MSN: variants seen among roughly 807,000 people sequenced by gnomAD.
MSN encodes epididymis luminal protein 70.
A neutral mutation model predicts 48.0 loss-of-function variants in MSN; 2 were observed. That is an observed-to-expected ratio of 0.04 (90% CI 0.02 to 0.13). The LOEUF is 0.13. Among genes scored for constraint, MSN ranks in the 10% least tolerant of loss-of-function variants. The pLI is 1.00. For synonymous variants in MSN, 146 were observed against 166.9 expected (o/e 0.87, Z 0.97); for missense variants, 267 against 470.1 (o/e 0.57, Z 3.99).
At chrX:65,691,465 A>G (rs1316341607) in intron 1 of MSN, among the ~76,000 whole-genome samples, 1 of 111,696 alleles carries the variant, frequency 9.0e-6, no homozygotes, top group Non-Finnish European at 1.9e-5. Context: ...TTTCAGGTGT[A>G]TATACTTTCA....
intron 1 of MSN, among the ~76,000 whole-genome samples, chrX:65,620,044 G>A (rs1463481763): frequency 9.0e-6 from 1 of 111,234 alleles, no homozygotes. Flanking sequence ...AGGGACCCAC[G>A]TGAGGAGGCA....
intron 1 of MSN, among the ~76,000 whole-genome samples, chrX:65,624,305 C>T (rs994055728): frequency 1.8e-5 from 2 of 109,732 alleles, no homozygotes; most frequent in African/African-American, 3.4e-5. Flanking sequence ...CTTGAACTCC[C>T]GACCTCAGGT....
intron 1 of MSN, among the ~76,000 whole-genome samples, chrX:65,641,543 A>G (rs2070650008): frequency 1.4e-5 from 1 of 71,423 alleles, no homozygotes; most frequent in Admixed American, 1.9e-4. Flanking sequence ...AAAAAAAAAA[A>G]AGTGAAGTAT....
intron 1 of MSN, among the ~76,000 whole-genome samples, chrX:65,619,703 C>T (rs2070414879): frequency 9.2e-6 from 1 of 108,664 alleles, no homozygotes; most frequent in Admixed American, 9.6e-5. Flanking sequence ...CTTCTTCTCT[C>T]AGCTCGTCAA....
intron 1 of MSN, among the ~76,000 whole-genome samples, chrX:65,596,888 C>T (rs1008271067): frequency 1.8e-5 from 2 of 111,314 alleles, no homozygotes; most frequent in South Asian, 3.7e-4. Flanking sequence ...GGGCCAGATA[C>T]TGTACTGGGC....
rs2071700264 is a variant in MSN at position 65,738,381 on chromosome X, A to G, written c.1252-144A>G. 1.3e-5 allele frequency: 6 copies of G among 463,553 alleles called. No individual in the cohort carries two copies. In the Admixed American group the frequency reaches 1.6e-4, roughly 12 times the overall value. The allele number at this position is 463,553 out of a possible 1,213,427, so 38.2% of individuals were successfully genotyped here. On this transcript the variant is annotated intron_variant, in intron 10 of 12. Transcript: ENST00000360270. The stretch of plus-strand genomic sequence containing the variant: ...GTCAGGGAAGATGGGACTGGAATGA[A>G]GTAGTCTGGTAAAAGAGTCTCTGAG...
At chrX:65,653,454 T>C (rs1220918009) in intron 1 of MSN, among the ~76,000 whole-genome samples, 1 of 110,583 alleles carries the variant, frequency 9.0e-6, no homozygotes, top group Non-Finnish European at 1.9e-5. Context: ...AGAAAAAAAA[T>C]AATGTTAAAA....
At chrX:65,609,745 T>C (rs1217788990) in intron 1 of MSN, among the ~76,000 whole-genome samples, 3 of 111,261 alleles carry the variant, frequency 2.7e-5, no homozygotes, top group Non-Finnish European at 5.7e-5. Flanking sequence ...TAGCCGGGCG[T>C]GGTGGCATGT....
intron 1 of MSN, among the ~76,000 whole-genome samples, chrX:65,650,335 C>T (rs775987985): frequency 2.7e-5 from 3 of 111,977 alleles, no homozygotes; most frequent in African/African-American, 9.7e-5. Context: ...TGATCCACCC[C>T]CCTTGGCCTC....
At chrX:65,674,925 C>T (rs1178074502) in intron 1 of MSN, among the ~76,000 whole-genome samples, 3 of 112,304 alleles carry the variant, frequency 2.7e-5, no homozygotes, top group South Asian at 3.6e-4. Context: ...TATTTAACTT[C>T]TGCACCTCAT....
chrX:65,728,094 C>T (rs190252101), intron 3 of MSN, among the ~76,000 whole-genome samples, 185 bp downstream of exon 3: 56 of 111,516 alleles, frequency 5.0e-4, no homozygotes, highest in Admixed American at 1.5e-3. Flanking sequence ...CTTGCTCTGT[C>T]TCTACTTTGA....
chrX:65,653,452 A>G (rs1301892317), intron 1 of MSN, among the ~76,000 whole-genome samples: 1 of 111,405 alleles, frequency 9.0e-6, no homozygotes, highest in African/African-American at 3.3e-5. Context: ...TCAGAAAAAA[A>G]ATAATGTTAA....
chrX:65,692,587 G>A (rs1375947348), intron 1 of MSN, among the ~76,000 whole-genome samples: 3 of 112,582 alleles, frequency 2.7e-5, no homozygotes, highest in Non-Finnish European at 5.6e-5. Flanking sequence ...TCTAGGAATT[G>A]GTGAACTTGC....
chrX:65,606,482 G>C (rs1431306732), intron 1 of MSN, among the ~76,000 whole-genome samples: 1 of 111,262 alleles, frequency 9.0e-6, no homozygotes, highest in Non-Finnish European at 1.9e-5. Context: ...GAGTACAGTG[G>C]TACAATCTCG....
At chrX:65,633,553 C>T (rs1216480463) in intron 1 of MSN, among the ~76,000 whole-genome samples, 1 of 111,992 alleles carries the variant, frequency 8.9e-6, no homozygotes, top group African/African-American at 3.2e-5. Flanking sequence ...CCAGGCCTCT[C>T]ACAGGCTTTC....
At chrX:65,706,463 C>T (rs1269133663) in intron 1 of MSN, among the ~76,000 whole-genome samples, 1 of 111,717 alleles carries the variant, frequency 9.0e-6, no homozygotes, top group Admixed American at 9.5e-5. Flanking sequence ...CAGGGGTGGC[C>T]CCCTGGGGAG....
chrX:65,713,816 T>A (rs1444112954), intron 1 of MSN, among the ~76,000 whole-genome samples: 1 of 111,688 alleles, frequency 9.0e-6, no homozygotes, highest in Non-Finnish European at 1.9e-5. Context: ...TGTGTTCTCA[T>A]CATTTAATTC....
At chrX:65,671,976 C>T (rs966052980) in intron 1 of MSN, among the ~76,000 whole-genome samples, 2 of 112,160 alleles carry the variant, frequency 1.8e-5, no homozygotes, top group Admixed American at 9.5e-5. Flanking sequence ...ACTACTTTAC[C>T]GAATGATGGA....
Position 65,678,222 on chromosome X carries a change from C to G in MSN, c.12+10369C>G, listed in dbSNP as rs144507927. Among the ~76,000 whole-genome samples, 513 of 111,880 alleles carry G rather than the reference C, an allele frequency of 4.6e-3. 4 individuals are homozygous for G. Among genetic ancestry groups the G allele is most frequent in the African/African-American group, 0.016 (491 of 30,749 alleles). Reference sequence around the variant, plus strand: ...ACTAGTCCTCTGTTCTCCTTTAGTACAGGGAATGCCTTCTTCAAGTTTATA... The same window carrying G: ...ACTAGTCCTCTGTTCTCCTTTAGTAGAGGGAATGCCTTCTTCAAGTTTATA... On this transcript the variant is annotated intron_variant, in intron 1 of 12. Transcript: ENST00000360270.
Sources: gnomAD v4.1 joint callset for allele counts (sites outside exome capture counted in the v4.1 genomes callset) on GRCh38, gnomAD v4.1.1 for gene constraint, MANE v1.5 for transcripts, NCBI Gene and HGNC (gene_info 2026-07-23, HGNC 2026-07-21) for gene names.